Variants in SNCAIP observed in about 807,000 individuals in gnomAD.
SNCAIP encodes synphilin-1.
SNCAIP carries 43 observed loss-of-function variants against 86.7 expected under a neutral mutation model. The observed-to-expected ratio is 0.50, with a 90% CI of 0.39 to 0.64. The LOEUF is 0.64. Ranked by LOEUF, SNCAIP falls within the 30% of genes least tolerant of loss-of-function variation. The pLI is 0.00. For missense variants in SNCAIP, 981 were observed against 1,103.1 expected, an observed-to-expected ratio of 0.89 and a Z score of 1.57; for synonymous variants, 417 against 427.2, an observed-to-expected ratio of 0.98 and a Z score of 0.29.
At chr5:122,421,801 C>G (rs1182553589) in intron 3 of SNCAIP, among the ~76,000 whole-genome samples, 1 of 152,008 alleles carries the variant, frequency 6.6e-6, no homozygotes, top group African/African-American at 2.4e-5. Context: ...AGGGAGGAAG[C>G]AGTATAATCA....
In SNCAIP at chr5:122,459,547, G is replaced by A. The variant is rs554896678; in HGVS notation, c.2755-3944G>A. Among the ~76,000 whole-genome samples the A allele has an allele frequency of 5.0e-3, 768 of 152,242 alleles. 7 individuals are homozygous for A. The highest frequency in any genetic ancestry group is 0.018 in the African/African-American group (738 of 41,534). ...GGACTAGGTAATTGAAGGGTTCAGG[G>A]AGGATTGAATTATCCTGATATTTTT... On this transcript the variant is annotated intron_variant, in intron 10 of 10. Transcript: ENST00000261368.
In SNCAIP at chr5:122,417,423, C is replaced by T. The variant is rs532166765; in HGVS notation, c.131-5445C>T. ...GTTTTAGCAATCTTATAGTCTAACC[C>T]GTTCATTTTACAGATGAGGAAACTG... On this transcript the variant is annotated intron_variant, in intron 3 of 10. Coordinates refer to ENST00000261368, the MANE Select transcript of SNCAIP (RefSeq NM_005460.4). Among the ~76,000 whole-genome samples, 49 of 152,148 alleles carry T rather than the reference C, an allele frequency of 3.2e-4. 1 individual carries two copies. In the South Asian group the frequency reaches 8.3e-3, roughly 26 times the overall value.
In SNCAIP at chr5:122,423,128, G is replaced by A. The variant is rs1391984311; in HGVS notation, c.391G>A (p.Gly131Ser). The A allele has an allele frequency of 6.2e-7, 1 of 1,614,038 alleles. No individual in the cohort carries two copies. Among genetic ancestry groups the A allele is most frequent in the Non-Finnish European group, 8.5e-7 (1 of 1,180,040 alleles). The change falls in exon 4 of 11, where the codon GGT becomes AGT. Residue 131 changes from glycine (G) to serine (S), a missense_variant. Coordinates refer to ENST00000261368, the MANE Select transcript of SNCAIP (RefSeq NM_005460.4). ...GPGDGVGGPP[G>S]KSSEPSTSLG... ...TGGAGATGGAGTGGGCGGCCCACCA[G>A]GTAAGAGCTCTGAGCCCAGCACATC... is the stretch of plus-strand genomic sequence containing the variant.
In SNCAIP at chr5:122,394,827, G is replaced by T. The variant is rs1194973974; in HGVS notation, c.57+3636G>T. ...CAATGTTGGCCGTGCCGCACACTGA[G>T]ATAAACTCTTTAACTAAGTTATCTT... On this transcript the variant is annotated intron_variant, in intron 2 of 10. Coordinates refer to ENST00000261368, the MANE Select transcript of SNCAIP (RefSeq NM_005460.4). Among the ~76,000 whole-genome samples, 6 of 152,202 alleles carry T rather than the reference G, an allele frequency of 3.9e-5. No individual in the cohort carries two copies. In the East Asian group the frequency reaches 1.2e-3, roughly 29 times the overall value.
At chr5:122,395,116 T>C (rs564074372) in intron 2 of SNCAIP, among the ~76,000 whole-genome samples, 1 of 152,324 alleles carries the variant, frequency 6.6e-6, no homozygotes, top group Admixed American at 6.5e-5. Flanking sequence ...AGTAAAGGGA[T>C]TGATAGACAT....
intron 10 of SNCAIP, among the ~76,000 whole-genome samples, chr5:122,452,389 G>T (rs1461157873): frequency 6.6e-6 from 1 of 152,182 alleles, no homozygotes; most frequent in Non-Finnish European, 1.5e-5. Flanking sequence ...CTGTGGAATG[G>T]AATGACCTAG....
chr5:122,401,030 G>C, intron 2 of SNCAIP: 1 of 1,550,220 alleles, frequency 6.5e-7, no homozygotes, highest in Non-Finnish European at 8.7e-7. Context: ...TTGGATTGGA[G>C]GACACAGACA....
At chr5:122,433,203 T>C (rs1374741969) in intron 6 of SNCAIP, among the ~76,000 whole-genome samples, 1 of 151,970 alleles carries the variant, frequency 6.6e-6, no homozygotes, top group Non-Finnish European at 1.5e-5. Flanking sequence ...ACATGTAAAA[T>C]GTTTCCTATG....
At chr5:122,454,258 CT>C (rs1475220078) in intron 10 of SNCAIP, 2 of 152,380 alleles carry the variant, frequency 1.3e-5, no homozygotes, top group Admixed American at 1.3e-4. Flanking sequence ...TTTTTTCTTC[CT>C]CTAAATCAAA....
intron 1 of SNCAIP, among the ~76,000 whole-genome samples, chr5:122,334,501 T>A (rs745887821): frequency 6.6e-6 from 1 of 152,198 alleles, no homozygotes; most frequent in Non-Finnish European, 1.5e-5. Context: ...CTGACCTATG[T>A]TTAAGGTCAA....
chr5:122,453,530 G>A (rs1784129032), intron 10 of SNCAIP, among the ~76,000 whole-genome samples: 1 of 152,134 alleles, frequency 6.6e-6, no homozygotes, highest in Non-Finnish European at 1.5e-5. Context: ...GTTTATGAGT[G>A]CCCTCTAATA....
At chr5:122,352,090 A>G (rs1759974992) in intron 1 of SNCAIP, among the ~76,000 whole-genome samples, 1 of 152,206 alleles carries the variant, frequency 6.6e-6, no homozygotes, top group Non-Finnish European at 1.5e-5. Context: ...TTAAATTGGT[A>G]AATCAGGTAT....
intron 1 of SNCAIP, among the ~76,000 whole-genome samples, chr5:122,318,163 G>A (rs73279391): frequency 0.17 from 25,835 of 151,810 alleles, 2,297 homozygotes; most frequent in South Asian, 0.3. Flanking sequence ...GTTCAGCAAC[G>A]CCTTCTTCTA....
chr5:122,405,053 G>A (rs1179752649), intron 3 of SNCAIP, among the ~76,000 whole-genome samples: 1 of 152,136 alleles, frequency 6.6e-6, no homozygotes, highest in Non-Finnish European at 1.5e-5. Flanking sequence ...TTGGCTATAA[G>A]TCTTATAAGG....
intron 3 of SNCAIP, 27 bp downstream of exon 3, chr5:122,403,892 C>G: frequency 1.3e-6 from 2 of 1,557,700 alleles, no homozygotes; most frequent in African/African-American, 1.4e-5. Flanking sequence ...CCCTCTTCTC[C>G]TTATCCTGGC....
chr5:122,419,304 C>T (rs1173882659), intron 3 of SNCAIP, among the ~76,000 whole-genome samples: 3 of 152,162 alleles, frequency 2.0e-5, no homozygotes, highest in Admixed American at 6.5e-5. Context: ...GACTGCACCA[C>T]ATGTTTGTTC....
At chr5:122,321,139 C>G (rs1349974250) in intron 1 of SNCAIP, among the ~76,000 whole-genome samples, 1 of 152,142 alleles carries the variant, frequency 6.6e-6, no homozygotes, top group Non-Finnish European at 1.5e-5. Flanking sequence ...TATTTTATAG[C>G]AGGCGCGCTT....
At chr5:122,412,549 C>T (rs1282129253) in intron 3 of SNCAIP, among the ~76,000 whole-genome samples, 1 of 152,164 alleles carries the variant, frequency 6.6e-6, no homozygotes, top group Non-Finnish European at 1.5e-5. Flanking sequence ...AACTCCTCCT[C>T]CTTCCCAATT....
chr5:122,345,683 CA>C (rs1758476144), intron 1 of SNCAIP, among the ~76,000 whole-genome samples: 1 of 141,604 alleles, frequency 7.1e-6, no homozygotes, highest in Non-Finnish European at 1.5e-5. Context: ...CACCCGGAGT[CA>C]GGGGATTTGT....
Sources: allele counts gnomAD v4.1 joint callset (sites outside exome capture counted in the v4.1 genomes callset), GRCh38; gene constraint gnomAD v4.1.1; transcripts MANE v1.5; gene names NCBI Gene and HGNC (gene_info 2026-07-23, HGNC 2026-07-21).